CNTNAP2: variants seen among roughly 807,000 people sequenced by gnomAD.
The protein encoded by CNTNAP2 is contactin associated protein 2.
CNTNAP2 carries 98 observed loss-of-function variants against 155.2 expected under a neutral mutation model. That is an observed-to-expected ratio of 0.63 (90% CI 0.54 to 0.75). The LOEUF (loss-of-function observed/expected upper bound fraction) is 0.75, where lower values mean the gene tolerates loss of function less well. Among genes scored for constraint, CNTNAP2 ranks in the 30% least tolerant of loss-of-function variants. The probability of loss-of-function intolerance (pLI) is 0.00; values close to 1 mark genes in which losing one functional copy is unlikely to be tolerated. For synonymous variants in CNTNAP2, 651 were observed against 631.2 expected (o/e 1.03, Z -0.47); for missense variants, 1,727 against 1,688.1 (o/e 1.02, Z -0.40).
chr7:147,097,178 T>C (rs1014670024), intron 4 of CNTNAP2, among the ~76,000 whole-genome samples: 3 of 152,168 alleles, frequency 2.0e-5, no homozygotes, highest in Non-Finnish European at 4.4e-5. Flanking sequence ...TAAATAAAAA[T>C]GACATTTTTT....
intron 8 of CNTNAP2, among the ~76,000 whole-genome samples, chr7:147,268,651 CA>C (rs938810525): frequency 1.4e-4 from 22 of 151,908 alleles, no homozygotes; most frequent in African/African-American, 4.1e-4. Context: ...CTAGAACTGA[CA>C]GCATTATAAT....
intron 1 of CNTNAP2, among the ~76,000 whole-genome samples, chr7:146,432,090 G>T (rs1724503): frequency 0.036 from 5,408 of 152,048 alleles, 344 homozygotes; most frequent in African/African-American, 0.12. Context: ...TGACAGTAAA[G>T]AAATTATTCT....
chr7:148,224,803 A>G (rs557837531), intron 19 of CNTNAP2, among the ~76,000 whole-genome samples: 2 of 152,284 alleles, frequency 1.3e-5, no homozygotes, highest in East Asian at 3.9e-4. Flanking sequence ...AGGGGAAGCA[A>G]GCACGTCCTT....
chr7:146,806,276 AGG>A, intron 2 of CNTNAP2, among the ~76,000 whole-genome samples: 1 of 152,008 alleles, frequency 6.6e-6, no homozygotes, highest in East Asian at 1.9e-4. Flanking sequence ...TGGATCACCA[AGG>A]TCAGGAGTTC....
chr7:146,180,988 A>G lies in CNTNAP2; in HGVS notation c.97+64015A>G, dbSNP rs115742349. Among the ~76,000 whole-genome samples, 352 of 152,202 alleles carry G rather than the reference A, an allele frequency of 2.3e-3. 1 individual carries two copies. The highest frequency in any genetic ancestry group is 7.6e-3 in the African/African-American group (314 of 41,546). ...TGGTTTTCTTCCTTCTACTCTGCCT[A>G]CTATCTTCTTTCTTGGCTCCACTTT... On this transcript the variant is annotated intron_variant, in intron 1 of 23. Coordinates refer to ENST00000361727, the MANE Select transcript of CNTNAP2 (RefSeq NM_014141.6).
Position 146,744,227 on chromosome 7 carries a change from C to CAAAAAA in CNTNAP2, c.98-30025_98-30020dup, listed in dbSNP as rs60606492. On this transcript the variant is annotated intron_variant, in intron 1 of 23. Transcript: ENST00000361727. ...TGGGTGACAAAGTGACACTCTGTCT[C>CAAAAAA]AAAAAAAAAAAAAAAAAAAAAAAAG... Among the ~76,000 whole-genome samples the CAAAAAA allele has an allele frequency of 7.1e-3, 341 of 48,138 alleles. 19 individuals are homozygous for CAAAAAA. The highest frequency in any genetic ancestry group is 0.018 in the African/African-American group (259 of 14,136). 31.6% of individuals were successfully genotyped at this position (48,138 alleles called of 152,430 possible). A position where few individuals can be genotyped will look rare whatever the true frequency, so the allele number is the denominator to read the frequency against.
intron 1 of CNTNAP2, among the ~76,000 whole-genome samples, chr7:146,668,427 C>CGT (rs1563180570): frequency 8.9e-5 from 9 of 101,168 alleles, no homozygotes; most frequent in African/African-American, 2.6e-4. Context: ...CTGTAATTTT[C>CGT]CTGTGTGTGT....
intron 1 of CNTNAP2, among the ~76,000 whole-genome samples, chr7:146,754,564 C>T (rs1001782272): frequency 6.6e-6 from 1 of 151,508 alleles, no homozygotes; most frequent in Non-Finnish European, 1.5e-5. Context: ...GTCTCTCTCT[C>T]TCTCTCTCTC....
chr7:146,874,001 T>TA, intron 3 of CNTNAP2, among the ~76,000 whole-genome samples: 2 of 152,242 alleles, frequency 1.3e-5, no homozygotes, highest in South Asian at 2.1e-4. Flanking sequence ...TCGGAAATGC[T>TA]AAAATGTCAC....
At chr7:146,462,816 A>G (rs969148874) in intron 1 of CNTNAP2, among the ~76,000 whole-genome samples, 1 of 152,190 alleles carries the variant, frequency 6.6e-6, no homozygotes, top group Non-Finnish European at 1.5e-5. Flanking sequence ...GGATCACATG[A>G]TTGATCCCTT....
rs1800864735 is a variant in CNTNAP2, at chr7:146,313,785, G to T, written c.97+196812G>T. The stretch of plus-strand genomic sequence containing the variant: ...AGGCAGAGGCGGGCAGATCACCTGA[G>T]GTCAGGACTTTGAGACCAGCCTGGC... On this transcript the variant is annotated intron_variant, in intron 1 of 23. Coordinates refer to ENST00000361727, the MANE Select transcript of CNTNAP2 (RefSeq NM_014141.6). Among the ~76,000 whole-genome samples, 3 of 152,072 alleles carry T rather than the reference G, an allele frequency of 2.0e-5. No homozygotes were observed. The South Asian group carries it at 6.2e-4, about 32-fold the overall frequency.
At chr7:147,531,053 A>G (rs764659025) in intron 11 of CNTNAP2, among the ~76,000 whole-genome samples, 2 of 152,246 alleles carry the variant, frequency 1.3e-5, no homozygotes, top group Non-Finnish European at 2.9e-5. Flanking sequence ...CTTTGACCCC[A>G]GATCTGACAT....
At position 146,801,788 on chromosome 7, in the gene CNTNAP2, A is replaced by G. The variant is rs568152491; in HGVS notation, c.208+27407A>G. Among the ~76,000 whole-genome samples the G allele has an allele frequency of 2.0e-5, 3 of 152,324 alleles. No homozygotes were observed. In the South Asian group the frequency reaches 6.2e-4, roughly 32 times the overall value. On this transcript the variant is annotated intron_variant, in intron 2 of 23. Coordinates refer to ENST00000361727, the MANE Select transcript of CNTNAP2 (RefSeq NM_014141.6). ...ATAAAAGTGAGAAAGCTCTTTTATT[A>G]TACCAAATAGCAGATACGGTGAATT...
At chr7:146,163,003 G>C (rs561368545) in intron 1 of CNTNAP2, among the ~76,000 whole-genome samples, 1 of 152,234 alleles carries the variant, frequency 6.6e-6, no homozygotes, top group Non-Finnish European at 1.5e-5. Context: ...ACTGGGGTCT[G>C]TTGGGGGTTT....
chr7:147,040,487 G>A (rs1043740618), intron 3 of CNTNAP2, among the ~76,000 whole-genome samples: 7 of 122,428 alleles, frequency 5.7e-5, no homozygotes, highest in Admixed American at 3.8e-4. Context: ...TTGAGACAGA[G>A]TCTGGCTCTG....
chr7:147,086,122 C>G (rs531105932), intron 4 of CNTNAP2, among the ~76,000 whole-genome samples: 2 of 152,168 alleles, frequency 1.3e-5, no homozygotes, highest in African/African-American at 4.8e-5. Context: ...GGCATAAACT[C>G]TAAGGAAATT....
intron 2 of CNTNAP2, among the ~76,000 whole-genome samples, chr7:146,786,470 T>TA (rs955452948): frequency 4.7e-4 from 71 of 152,298 alleles, no homozygotes; most frequent in African/African-American, 1.6e-3. Context: ...AAAGTAATTC[T>TA]AAAAAAATTG....
At chr7:146,685,999 A>G (rs938878142) in intron 1 of CNTNAP2, among the ~76,000 whole-genome samples, 3 of 152,060 alleles carry the variant, frequency 2.0e-5, no homozygotes, top group Non-Finnish European at 4.4e-5. Context: ...CTTGGGATTC[A>G]GAAAAAAATA....
chr7:147,393,957 A>G (rs890355180), intron 9 of CNTNAP2, among the ~76,000 whole-genome samples: 1 of 152,104 alleles, frequency 6.6e-6, no homozygotes, highest in Non-Finnish European at 1.5e-5. Context: ...GCTCTACTAA[A>G]ATACTATCCT....
Sources: allele counts gnomAD v4.1 joint callset (sites outside exome capture counted in the v4.1 genomes callset), GRCh38; gene constraint gnomAD v4.1.1; transcripts MANE v1.5; gene names NCBI Gene and HGNC (gene_info 2026-07-23, HGNC 2026-07-21).